The following PCCA variants were observed in gnomAD, a reference collection of about 807,000 sequenced individuals.
PCCA encodes the protein propionyl-CoA carboxylase subunit alpha, also known as propionyl-CoA carboxylase alpha chain, mitochondrial.
A neutral mutation model predicts 101.3 loss-of-function variants in PCCA; 74 were observed. The observed-to-expected ratio is 0.73, with a 90% CI of 0.61 to 0.89. PCCA has a LOEUF of 0.89. Ranked by LOEUF, PCCA falls within the 40% of genes least tolerant of loss-of-function variation. The probability of loss-of-function intolerance (pLI) is 0.00; values close to 1 mark genes in which losing one functional copy is unlikely to be tolerated. For missense variants in PCCA, 891 were observed against 907.0 expected, an observed-to-expected ratio of 0.98 and a Z score of 0.23; for synonymous variants, 294 against 313.6, an observed-to-expected ratio of 0.94 and a Z score of 0.66.
intron 18 of PCCA, among the ~76,000 whole-genome samples, chr13:100,350,351 A>T (rs993964468): frequency 2.0e-5 from 3 of 149,416 alleles, no homozygotes; most frequent in African/African-American, 7.4e-5. Flanking sequence ...ATAAAAAAAA[A>T]TAGCACTTTA....
intron 7 of PCCA, among the ~76,000 whole-genome samples, chr13:100,210,358 T>A (rs1323886179): frequency 6.6e-6 from 1 of 152,230 alleles, no homozygotes; most frequent in African/African-American, 2.4e-5. Context: ...CAGCAGTGAC[T>A]CAGACTTTCA....
intron 20 of PCCA, among the ~76,000 whole-genome samples, chr13:100,438,726 T>C (rs2080123923): frequency 6.6e-6 from 1 of 151,692 alleles, no homozygotes; most frequent in African/African-American, 2.4e-5. Context: ...TGTCTGTAAG[T>C]TCCCCCAAGA....
intron 12 of PCCA, among the ~76,000 whole-genome samples, chr13:100,277,226 GT>G (rs1253218431): frequency 6.6e-6 from 1 of 152,116 alleles, no homozygotes; most frequent in Non-Finnish European, 1.5e-5. Context: ...AGTGGGGGTA[GT>G]TTATCAAGGT....
chr13:100,207,873 C>G (rs1252214998), intron 6 of PCCA, among the ~76,000 whole-genome samples: 2 of 151,676 alleles, frequency 1.3e-5, no homozygotes, highest in African/African-American at 2.4e-5. Flanking sequence ...CAAAAATTAG[C>G]TGGGCGTGGT....
chr13:100,217,768 T>C (rs765191053), intron 7 of PCCA, among the ~76,000 whole-genome samples: 4 of 147,550 alleles, frequency 2.7e-5, no homozygotes, highest in Non-Finnish European at 5.9e-5. Flanking sequence ...GGCAGGAGAA[T>C]CGCTAGAACC....
intron 21 of PCCA, among the ~76,000 whole-genome samples, chr13:100,482,282 G>T (rs558759389): frequency 5.9e-5 from 9 of 152,336 alleles, no homozygotes; most frequent in Non-Finnish European, 1.2e-4. Flanking sequence ...GCAGTAGCCA[G>T]GAGGGATGCA....
intron 19 of PCCA, among the ~76,000 whole-genome samples, chr13:100,376,112 G>A (rs2075882423): frequency 6.6e-6 from 1 of 152,178 alleles, no homozygotes; most frequent in Admixed American, 6.5e-5. Context: ...CCCCTCTGCT[G>A]TAGGTCTGCT....
intron 19 of PCCA, among the ~76,000 whole-genome samples, chr13:100,418,789 A>G (rs2078549036): frequency 6.6e-6 from 1 of 151,476 alleles, no homozygotes; most frequent in Non-Finnish European, 1.5e-5. Flanking sequence ...AGCCAAGATC[A>G]TGCCATCGTA....
At chr13:100,363,385 G>A (rs2074846559) in intron 18 of PCCA, among the ~76,000 whole-genome samples, 1 of 150,206 alleles carries the variant, frequency 6.7e-6, no homozygotes. Context: ...TCATTTCCTC[G>A]ACTTATTCAT....
intron 21 of PCCA, among the ~76,000 whole-genome samples, chr13:100,514,626 C>A (rs1206865083): frequency 1.3e-5 from 2 of 152,134 alleles, no homozygotes; most frequent in Admixed American, 6.5e-5. Context: ...GATAGGAATT[C>A]TCTTTTTTGA....
intron 6 of PCCA, among the ~76,000 whole-genome samples, chr13:100,188,635 C>G (rs913359542): frequency 6.6e-5 from 10 of 152,198 alleles, no homozygotes; most frequent in Non-Finnish European, 4.4e-5. Flanking sequence ...AATCTCCACA[C>G]TGTTTTCCAT....
At chr13:100,110,290 G>C (rs2048191867) in intron 2 of PCCA, among the ~76,000 whole-genome samples, 3 of 152,106 alleles carry the variant, frequency 2.0e-5, no homozygotes, top group Admixed American at 2.0e-4. Flanking sequence ...AAATTACCGT[G>C]TGCTAATGTG....
chr13:100,179,829 A>T (rs2056626901), intron 6 of PCCA, among the ~76,000 whole-genome samples: 2 of 152,094 alleles, frequency 1.3e-5, no homozygotes, highest in African/African-American at 4.8e-5. Flanking sequence ...ATAACTGATG[A>T]TGAGAGAAGC....
intron 18 of PCCA, among the ~76,000 whole-genome samples, chr13:100,363,656 C>T (rs2074872357): frequency 6.6e-6 from 1 of 152,184 alleles, no homozygotes; most frequent in African/African-American, 2.4e-5. Context: ...TATGATGAAG[C>T]ATTTCTTAAT....
At chr13:100,173,887 C>T (rs566774688) in intron 6 of PCCA, among the ~76,000 whole-genome samples, 1 of 152,336 alleles carries the variant, frequency 6.6e-6, no homozygotes, top group East Asian at 1.9e-4. Flanking sequence ...CCTGCACAAG[C>T]TCTCTTGCCT....
intron 21 of PCCA, among the ~76,000 whole-genome samples, chr13:100,450,013 A>C (rs559398600): frequency 6.6e-6 from 1 of 152,196 alleles, no homozygotes; most frequent in Non-Finnish European, 1.5e-5. Context: ...GAAGAGTTTC[A>C]ATTTATTATT....
rs951251954 is a variant in PCCA, at chr13:100,456,628, G to A, written c.1899+7323G>A. On this transcript the variant is annotated intron_variant, in intron 21 of 23. Transcript: ENST00000376285. ...AAGTCACGTGATCGTAGAACAGGGG[G>A]GCCCTTCCCTCTTAGGTAGCCGAAG... Among the ~76,000 whole-genome samples, 7 of 149,626 alleles carry A rather than the reference G, an allele frequency of 4.7e-5. No homozygotes were observed. The East Asian group carries it at 9.7e-4, about 21-fold the overall frequency.
chr13:100,524,122 C>T (rs837328), intron 22 of PCCA, among the ~76,000 whole-genome samples: 84,605 of 152,074 alleles, frequency 0.56, 24,134 homozygotes, highest in East Asian at 0.78. Flanking sequence ...CTGCTGGGAG[C>T]AAGGCTCCAA....
intron 21 of PCCA, chr13:100,491,374 A>G (rs191078720): frequency 2.3e-3 from 444 of 190,840 alleles, no homozygotes; most frequent in African/African-American, 9.6e-3. Context: ...TTGAAAGAAC[A>G]TCACGTGACT....
Sources: allele counts gnomAD v4.1 joint callset (sites outside exome capture counted in the v4.1 genomes callset), GRCh38; gene constraint gnomAD v4.1.1; transcripts MANE v1.5; gene names NCBI Gene and HGNC (gene_info 2026-07-23, HGNC 2026-07-21).